Variants in DNAH12 observed in about 807,000 individuals in gnomAD.
DNAH12 encodes dynein axonemal heavy chain 12, also known as axonemal beta dynein heavy chain 12.
Under a neutral mutation model 371.5 loss-of-function variants are expected in DNAH12, and 285 were observed. The observed-to-expected ratio is 0.77, with a 90% confidence interval of 0.70 to 0.85. The LOEUF is 0.85. Among genes scored for constraint, DNAH12 ranks in the 40% least tolerant of loss-of-function variants. The pLI is 0.00. For synonymous variants in DNAH12, 1,200 were observed against 1,213.0 expected (o/e 0.99, Z 0.22); for missense variants, 3,611 against 3,689.4 (o/e 0.98, Z 0.55).
Position 57,507,572 on chromosome 3 carries a change from G to A in DNAH12, c.897+71C>T, listed in dbSNP as rs557643435. On this transcript the variant is annotated intron_variant, in intron 8 of 73. Transcript: ENST00000495027. ...AATAATTACTTAGCACTATGTTTAC[G>A]TAGAATTCTATTTAAAATATTGAAC... The A allele has an allele frequency of 1.8e-4, 202 of 1,104,688 alleles. 1 individual carries two copies. In the East Asian group the frequency reaches 4.0e-3, roughly 22 times the overall value. 68.4% of individuals were successfully genotyped at this position (1,104,688 alleles called of 1,614,324 possible).
At chr3:57,424,683 G>A (rs1469512831) in intron 35 of DNAH12, among the ~76,000 whole-genome samples, 3 of 151,574 alleles carry the variant, frequency 2.0e-5, no homozygotes, top group Non-Finnish European at 4.4e-5. Context: ...GGCTGAGGGA[G>A]GAGAATCACT....
At chr3:57,458,504 G>A (rs558383056) in intron 20 of DNAH12, among the ~76,000 whole-genome samples, 2 of 152,252 alleles carry the variant, frequency 1.3e-5, no homozygotes, top group African/African-American at 4.8e-5. Flanking sequence ...AGAAAAGTCT[G>A]TTTGGCTGGT....
intron 67 of DNAH12, 27 bp downstream of exon 67, chr3:57,310,690 T>C (rs1559542828): frequency 6.8e-7 from 1 of 1,474,806 alleles, no homozygotes; most frequent in East Asian, 2.5e-5. Flanking sequence ...CACATTAATC[T>C]AACCTTATTT....
intron 52 of DNAH12, among the ~76,000 whole-genome samples, chr3:57,378,451 A>G (rs2063325857): frequency 6.6e-6 from 1 of 152,176 alleles, no homozygotes; most frequent in African/African-American, 2.4e-5. Context: ...GTACATGTAC[A>G]TATATCATTT....
intron 60 of DNAH12, among the ~76,000 whole-genome samples, chr3:57,338,364 C>T (rs781991789): frequency 2.0e-3 from 305 of 152,224 alleles, no homozygotes; most frequent in Non-Finnish European, 3.4e-3. Context: ...CCGGCTGCCC[C>T]GTCTGGGATG....
upstream of DNAH12, among the ~76,000 whole-genome samples, chr3:57,544,749 C>T (rs1216954787): frequency 2.0e-5 from 3 of 152,192 alleles, no homozygotes; most frequent in African/African-American, 7.2e-5. Context: ...TGACACAGCA[C>T]TTCCAGGAAT....
chr3:57,504,117 C>G lies in DNAH12; in HGVS notation c.985G>C (p.Glu329Gln). 1 of 1,613,842 alleles carries G rather than the reference C, an allele frequency of 6.2e-7. No individual in the cohort carries two copies. Among genetic ancestry groups the G allele is most frequent in the Non-Finnish European group, 8.5e-7 (1 of 1,179,848 alleles). The change falls in exon 9 of 74, where the codon GAA becomes CAA. Residue 329 changes from glutamate (E) to glutamine (Q), a missense_variant. Around this residue, in one of 3 missense-constraint regions of DNAH12, gnomAD observed 1,314 missense variants for 1,398.7 expected, o/e 0.94. Transcript: ENST00000495027. ...ATTTTGTCGTCATCAAATGTCAATTCTATCTTAAATATTGGCAGCCTTTGT... is the reference window on the plus strand; with the variant it reads ...ATTTTGTCGTCATCAAATGTCAATTGTATCTTAAATATTGGCAGCCTTTGT... ...DQQRLPIFKI[E>Q]LTFDDDKMEF...
intron 30 of DNAH12, among the ~76,000 whole-genome samples, chr3:57,434,840 A>T (rs111938160): frequency 0.14 from 21,805 of 152,130 alleles, 1,613 homozygotes; most frequent in South Asian, 0.21. Flanking sequence ...GGTTTCACTT[A>T]AAAAAGAACC....
intron 62 of DNAH12, among the ~76,000 whole-genome samples, chr3:57,329,778 C>A (rs1261728262): frequency 1.3e-5 from 2 of 151,816 alleles, no homozygotes; most frequent in South Asian, 2.1e-4. Context: ...AACAGGCAAC[C>A]CACAAAATGG....
intron 20 of DNAH12, 69 bp downstream of exon 20, chr3:57,459,523 G>C: frequency 7.8e-7 from 1 of 1,286,248 alleles, no homozygotes; most frequent in African/African-American, 1.5e-5. Context: ...CAGAAAAAAA[G>C]TCACATGTTT....
At chr3:57,501,619 A>G (rs1229256245) in intron 10 of DNAH12, among the ~76,000 whole-genome samples, 1 of 152,194 alleles carries the variant, frequency 6.6e-6, no homozygotes, top group East Asian at 1.9e-4. Flanking sequence ...AAGGTATTAG[A>G]GTATTTGAGG....
At position 57,483,516 on chromosome 3, in the gene DNAH12, C is replaced by T; in HGVS notation, c.1515-5G>A. 1 of 1,545,268 alleles carries T rather than the reference C, an allele frequency of 6.5e-7. No homozygotes were observed. Reference sequence around the variant, plus strand: ...GCTTCAAATTCACTGCAAATACTGACATAATACTCTGCTTTAATAGACTTA... The same window carrying T: ...GCTTCAAATTCACTGCAAATACTGATATAATACTCTGCTTTAATAGACTTA... On this transcript the variant is annotated splice_polypyrimidine_tract_variant and splice_region_variant and intron_variant, in intron 12 of 73. Coordinates refer to ENST00000495027, the MANE Select transcript of DNAH12 (RefSeq NM_001366028.2).
At chr3:57,330,943 G>C (rs949351321) in intron 62 of DNAH12, among the ~76,000 whole-genome samples, 3 of 151,970 alleles carry the variant, frequency 2.0e-5, no homozygotes, top group Non-Finnish European at 4.4e-5. Context: ...TATTTCTCTG[G>C]AGAACAGAGG....
chr3:57,449,687 G>A (rs959524280), intron 25 of DNAH12, among the ~76,000 whole-genome samples: 4 of 152,204 alleles, frequency 2.6e-5, no homozygotes, highest in Admixed American at 2.6e-4. Flanking sequence ...CAGCTGGCCC[G>A]CAAGCGCCGC....
At chr3:57,452,143 G>C (rs1286818591) in intron 25 of DNAH12, among the ~76,000 whole-genome samples, 2 of 152,116 alleles carry the variant, frequency 1.3e-5, no homozygotes, top group African/African-American at 4.8e-5. Context: ...GGTCGCTGCA[G>C]TCTGGTACCG....
At chr3:57,391,345 T>C (rs893119331) in intron 45 of DNAH12, among the ~76,000 whole-genome samples, 9 of 152,028 alleles carry the variant, frequency 5.9e-5, no homozygotes, top group Admixed American at 3.9e-4. Flanking sequence ...AAGACATTAT[T>C]TTTTTTCCTC....
intron 4 of DNAH12, among the ~76,000 whole-genome samples, chr3:57,516,596 T>C (rs548101245): frequency 7.4e-4 from 112 of 152,330 alleles, no homozygotes; most frequent in African/African-American, 2.6e-3. Context: ...TACCTGCAAG[T>C]CCTGTCGCAT....
At chr3:57,467,806 C>T (rs1455078027) in intron 17 of DNAH12, among the ~76,000 whole-genome samples, 1 of 152,010 alleles carries the variant, frequency 6.6e-6, no homozygotes, top group African/African-American at 2.4e-5. Flanking sequence ...CTTGATCTGC[C>T]CCAAATATGG....
chr3:57,451,551 T>G (rs2065755318), intron 25 of DNAH12, among the ~76,000 whole-genome samples: 1 of 152,096 alleles, frequency 6.6e-6, no homozygotes, highest in Non-Finnish European at 1.5e-5. Context: ...GGTAGGAGGA[T>G]CTCCTTGAGC....
Sources: allele counts gnomAD v4.1 joint callset (sites outside exome capture counted in the v4.1 genomes callset), GRCh38; gene constraint gnomAD v4.1.1; regional missense constraint gnomAD v4.1.1; transcripts MANE v1.5; gene names NCBI Gene and HGNC (gene_info 2026-07-23, HGNC 2026-07-21).